Variants in ITIH2 observed in about 807,000 individuals in gnomAD.
ITIH2 encodes the protein inter-alpha-trypsin inhibitor heavy chain 2.
ITIH2 carries 103 observed loss-of-function variants against 104.4 expected under a neutral mutation model. The ratio of observed to expected loss-of-function variants is 0.99; its 90% confidence interval spans 0.84 to 1.16. The LOEUF (loss-of-function observed/expected upper bound fraction) is 1.16. Ranked by LOEUF, ITIH2 falls within the 50% of genes most tolerant of loss-of-function variation. ITIH2 has a pLI of 0.00. For missense variants in ITIH2, 1,108 were observed against 1,162.4 expected (o/e 0.95, Z 0.68); for synonymous variants, 436 against 435.4 (o/e 1.00, Z -0.02).
Position 7,732,446 on chromosome 10 carries a change from T to C in ITIH2, c.1756T>C (p.Tyr586His), listed in dbSNP as rs966379202. The part of the protein sequence containing the change: ...DPDFTRKLWA[Y>H]LTINQLLAER... ...CGATTTCACCAGGAAACTGTGGGCCTATCTAACCATCAACCAACTGCTAGC... is the reference window on the plus strand; with the variant it reads ...CGATTTCACCAGGAAACTGTGGGCCCATCTAACCATCAACCAACTGCTAGC... The change falls in exon 14 of 21, where the codon TAT becomes CAT. Residue 586 changes from tyrosine (Y) to histidine (H), a missense_variant. By Grantham distance (83) the Tyr-to-His change is moderately conservative. Coordinates refer to ENST00000358415, the MANE Select transcript of ITIH2 (RefSeq NM_002216.3). The C allele has an allele frequency of 6.2e-7, 1 of 1,614,000 alleles. No homozygotes were observed. Among genetic ancestry groups the C allele is most frequent in the Middle Eastern group, 1.6e-4 (1 of 6,062 alleles).
chr10:7,744,340 C>T, intron 18 of ITIH2, 60 bp downstream of exon 18: 1 of 1,345,228 alleles, frequency 7.4e-7, no homozygotes, highest in Non-Finnish European at 1.1e-6. Context: ...ATAAATAAAT[C>T]CAGGCATCAG....
chr10:7,715,937 A>T (rs762690783), intron 5 of ITIH2, among the ~76,000 whole-genome samples: 4 of 151,586 alleles, frequency 2.6e-5, no homozygotes, highest in Non-Finnish European at 5.9e-5. Flanking sequence ...GACAGGGCTC[A>T]CTACAACCTC....
Position 7,723,586 on chromosome 10 carries a change from G to T in ITIH2, c.984+19G>T. ...GAAACAAGTAAGTACCCCCTTGTTTGCAGTGGTTGGGGGGATTCCCTATCT... is the reference window on the plus strand; with the variant it reads ...GAAACAAGTAAGTACCCCCTTGTTTTCAGTGGTTGGGGGGATTCCCTATCT... On this transcript the variant is annotated intron_variant, in intron 9 of 20. Transcript: ENST00000358415. 7.0e-7 allele frequency: 1 copy of T among 1,422,950 alleles called. No homozygotes were observed. Among genetic ancestry groups the T allele is most frequent in the Non-Finnish European group, 9.9e-7 (1 of 1,005,768 alleles). The allele number at this position is 1,422,950 out of a possible 1,614,324, so 88.1% of individuals were successfully genotyped here.
In ITIH2 at chr10:7,730,094, A is replaced by G. The variant is rs142884425; in HGVS notation, c.1422A>G (p.Gln474=). Residue 474 remains glutamine (Q), a synonymous_variant, in exon 12 of 21, where the codon CAA becomes CAG. Transcript: ENST00000358415. ...CCAATGAAAACCATGGAATTGCACA[A>G]AGGATTTATGGAAACCAGGACACGT... is the stretch of plus-strand genomic sequence containing the variant. ...RLSNENHGIA[Q]RIYGNQDTSS... 22 of 1,610,822 alleles carry G rather than the reference A, an allele frequency of 1.4e-5. No homozygotes were observed. The highest frequency in any genetic ancestry group is 1.2e-4 in the Admixed American group (7 of 59,260).
intron 6 of ITIH2, 75 bp from the exon 7 acceptor site, chr10:7,720,781 T>C (rs1352940666): frequency 9.9e-6 from 9 of 911,336 alleles, no homozygotes; most frequent in Admixed American, 5.4e-5. Flanking sequence ...GAGGACTTAT[T>C]TGTAATTTTA....
intron 11 of ITIH2, among the ~76,000 whole-genome samples, chr10:7,729,579 T>TTC (rs1467865484): frequency 6.6e-6 from 1 of 152,206 alleles, no homozygotes; most frequent in Non-Finnish European, 1.5e-5. Flanking sequence ...TGTTTTTTTT[T>TTC]TCTCCTCTAA....
chr10:7,721,582 G>C, intron 7 of ITIH2, 67 bp from the exon 8 acceptor site: 2 of 1,480,208 alleles, frequency 1.4e-6, no homozygotes, highest in Non-Finnish European at 1.8e-6. Flanking sequence ...GTGTGCTGGA[G>C]AAGGGGCAGC....
chr10:7,727,822 A>G lies in ITIH2; in HGVS notation c.1273A>G (p.Thr425Ala), dbSNP rs534842022. 4 of 1,614,174 alleles carry G rather than the reference A, an allele frequency of 2.5e-6. No homozygotes were observed. The highest frequency in any genetic ancestry group is 1.3e-5 in the African/African-American group (1 of 75,050). Residue 425 changes from threonine to alanine, a missense_variant, in exon 11 of 21, where the codon ACA becomes GCA. Thr to Ala is a moderately conservative substitution (Grantham distance 58). Coordinates refer to ENST00000358415, the MANE Select transcript of ITIH2 (RefSeq NM_002216.3). Reference protein sequence around the residue: ...LIILVSDGDPTVGELKLSKIQ... With the variant: ...LIILVSDGDPAVGELKLSKIQ... The stretch of plus-strand genomic sequence containing the variant: ...CATTTTGGTTTCTGATGGAGATCCA[A>G]CAGTGGGCAAGTGTCACTTCAACCT...
intron 1 of ITIH2, 55 bp downstream of exon 1, chr10:7,703,573 C>T (rs1834717337): frequency 6.4e-6 from 7 of 1,093,628 alleles, no homozygotes; most frequent in Non-Finnish European, 9.9e-6. Context: ...CTCAGTAAAT[C>T]ATCTATTGGA....
chr10:7,726,207 GAAGA>G (rs2130951514), intron 9 of ITIH2, among the ~76,000 whole-genome samples: 1 of 152,290 alleles, frequency 6.6e-6, no homozygotes, highest in Non-Finnish European at 1.5e-5. Context: ...TTTTATTGCA[GAAGA>G]AAGCTGAGAA....
chr10:7,732,758 C>T (rs1439261224), intron 14 of ITIH2, among the ~76,000 whole-genome samples: 2 of 151,970 alleles, frequency 1.3e-5, no homozygotes, highest in Non-Finnish European at 2.9e-5. Flanking sequence ...GGCAGAGTCT[C>T]GCTCTGTCTC....
In ITIH2 at chr10:7,727,768, CT is replaced by C. The variant is rs1834964670; in HGVS notation, c.1220del (p.Leu407ArgfsTer2). 4 of 1,614,106 alleles carry C rather than the reference CT, an allele frequency of 2.5e-6. No homozygotes were observed. Among genetic ancestry groups the C allele is most frequent in the Non-Finnish European group, 2.5e-6 (3 of 1,179,924 alleles). On this transcript the variant is annotated frameshift_variant, in exon 11 of 21. Transcript: ENST00000358415. LOFTEE classifies it high-confidence loss of function. Reference sequence around the variant, plus strand: ...TTTGAATGAAGCCAATAACTTGGGACTGTTAGACCCCAACTCCGTCTCGCTG... The same window carrying C: ...TTTGAATGAAGCCAATAACTTGGGACGTTAGACCCCAACTCCGTCTCGCTG... ...FILNEANNLGLLDPNSVSLII... is the reference protein window; with the variant it reads ...FILNEANNLGXLDPNSVSLII...
At chr10:7,728,755 G>A (rs1163053748) in intron 11 of ITIH2, among the ~76,000 whole-genome samples, 1 of 152,190 alleles carries the variant, frequency 6.6e-6, no homozygotes, top group Admixed American at 6.5e-5. Context: ...ATGCCAGATT[G>A]TGTTGCCTGA....
At position 7,733,281 on chromosome 10, in the gene ITIH2, C is replaced by A. The variant is rs183671324; in HGVS notation, c.1787+804C>A. 1.5e-3 allele frequency among the ~76,000 whole-genome samples: 233 copies of A among 152,172 alleles called. 1 individual carries two copies. The highest frequency in any genetic ancestry group is 5.5e-3 in the African/African-American group (227 of 41,542). On this transcript the variant is annotated intron_variant, in intron 14 of 20. Transcript: ENST00000358415. ...ATGTTGGTGAGATTCATCCATGTTG[C>A]TTCATGTATCAGGCATGTATTTGCA... is the stretch of plus-strand genomic sequence containing the variant.
In ITIH2 at chr10:7,737,819, A is replaced by AATATTCTATATTATATTCTAT. The variant is rs1564305855; in HGVS notation, c.1958-796_1958-776dup. ...TAATATTCTATATTATATTCTATATAATATTCTATATTATATTCTATATAT... is the reference window on the plus strand; with the variant it reads ...TAATATTCTATATTATATTCTATATAATATTCTATATTATATTCTATATATTCTATATTATATTCTATATAT... On this transcript the variant is annotated intron_variant, in intron 15 of 20. Coordinates refer to ENST00000358415, the MANE Select transcript of ITIH2 (RefSeq NM_002216.3). 9.9e-3 allele frequency among the ~76,000 whole-genome samples: 179 copies of AATATTCTATATTATATTCTAT among 18,036 alleles called. 50 individuals carry two copies. The highest frequency in any genetic ancestry group is 0.028 in the African/African-American group (137 of 4,920). 11.8% of individuals were successfully genotyped at this position (18,036 alleles called of 152,430 possible).
chr10:7,705,964 G>A (rs1367024182), intron 2 of ITIH2, among the ~76,000 whole-genome samples: 2 of 152,084 alleles, frequency 1.3e-5, no homozygotes, highest in African/African-American at 4.8e-5. Context: ...CTAATTAAGG[G>A]GGTGAGTTTT....
rs1385363048 is a variant in ITIH2 at position 7,737,743 on chromosome 10, ATATAATATTCTATAT to A, written c.1958-873_1958-859del. Among the ~76,000 whole-genome samples the A allele has an allele frequency of 6.6e-3, 175 of 26,464 alleles. 62 individuals are homozygous for A. Among genetic ancestry groups the A allele is most frequent in the East Asian group, 8.2e-3 (3 of 364 alleles). The allele number at this position is 26,464 out of a possible 152,430, so 17.4% of individuals were successfully genotyped here. A position where few individuals can be genotyped will look rare whatever the true frequency, so the allele number is the denominator to read the frequency against. On this transcript the variant is annotated intron_variant, in intron 15 of 20. Coordinates refer to ENST00000358415, the MANE Select transcript of ITIH2 (RefSeq NM_002216.3). ...TATATAATATTCTATATTATATTCT[ATATAATATTCTATAT>A]TATATTCTATATAATATTCTATATT...
intron 5 of ITIH2, among the ~76,000 whole-genome samples, chr10:7,716,948 ATT>A (rs755687195): frequency 9.9e-5 from 13 of 131,546 alleles, no homozygotes; most frequent in Non-Finnish European, 9.7e-5. Flanking sequence ...CTACAAGCCT[ATT>A]TTTTTTTTTT....
chr10:7,716,703 T>TAC (rs1391359667), intron 5 of ITIH2, among the ~76,000 whole-genome samples: 1 of 126,506 alleles, frequency 7.9e-6, no homozygotes, highest in African/African-American at 3.1e-5. Flanking sequence ...ACCACTGCAC[T>TAC]ACAGCCTGGG....
Sources: gnomAD v4.1 joint callset for allele counts (sites outside exome capture counted in the v4.1 genomes callset) on GRCh38, gnomAD v4.1.1 for gene constraint, MANE v1.5 for transcripts, NCBI Gene and HGNC (gene_info 2026-07-23, HGNC 2026-07-21) for gene names.